MIB1: variants seen among roughly 807,000 people sequenced by gnomAD.
MIB1 encodes MIB E3 ubiquitin protein ligase 1, also known as E3 ubiquitin-protein ligase MIB1.
A neutral mutation model predicts 124.5 loss-of-function variants in MIB1; 278 were observed. The ratio of observed to expected loss-of-function variants is 2.23; its 90% CI spans 2.02 to 2.47. The LOEUF (loss-of-function observed/expected upper bound fraction) is 2.47, where lower values mean the gene tolerates loss of function less well. MIB1 is among the 30% of genes most tolerant of loss of function. MIB1 has a pLI of 0.00. For synonymous variants in MIB1, 446 were observed against 429.4 expected (o/e 1.04, Z -0.48); for missense variants, 957 against 1,254.4 (o/e 0.76, Z 3.58).
chr18:21,783,467 T>TCCTGACCTCAGGTGGTCCTCCCG (rs2041395638), intron 6 of MIB1, among the ~76,000 whole-genome samples: 1 of 152,102 alleles, frequency 6.6e-6, no homozygotes, highest in Non-Finnish European at 1.5e-5. Context: ...GGTCTCTAAC[T>TCCTGACCTCAGGTGGTCCTCCCG]CCTGACCTCA....
chr18:21,863,247 G>A (rs573151559), intron 20 of MIB1, among the ~76,000 whole-genome samples: 5 of 152,342 alleles, frequency 3.3e-5, no homozygotes, highest in South Asian at 2.1e-4. Context: ...CACGGACAGC[G>A]GTGTGTTATC....
rs1424264385 is a variant in MIB1, at chr18:21,765,813, C to T, written c.271C>T (p.Gln91Ter). ...AACCATGTGTGATACCTGCCGCCAG[C>T]AACCAATCATTGGCATTCGATGGAA... ...DGTMCDTCRQ[Q>*]PIIGIRWKCA... The change falls in exon 2 of 21, where the codon CAA (glutamine) becomes TAA (stop). Residue 91 changes from glutamine to a stop codon, truncating the protein, a stop_gained. Transcript: ENST00000261537. LOFTEE classifies it high-confidence loss of function. 1.2e-6 allele frequency: 2 copies of T among 1,614,128 alleles called. No individual in the cohort carries two copies. The highest frequency in any genetic ancestry group is 1.1e-5 in the South Asian group (1 of 91,082).
In MIB1 at chr18:21,859,631, G is replaced by A. The variant is rs149559047; in HGVS notation, c.2880+985G>A. The stretch of plus-strand genomic sequence containing the variant: ...GGGCCGGGCGTGGTGGCTCATGCCT[G>A]TAATCCCAGCACTTTGGGAGGCTGA... On this transcript the variant is annotated intron_variant, in intron 20 of 20. Transcript: ENST00000261537. Among the ~76,000 whole-genome samples the A allele has an allele frequency of 7.6e-4, 116 of 152,142 alleles. 1 individual carries two copies. The highest frequency in any genetic ancestry group is 1.8e-4 in the Non-Finnish European group (12 of 67,990).
At chr18:21,821,605 T>G (rs1224911711) in intron 12 of MIB1, among the ~76,000 whole-genome samples, 1 of 148,906 alleles carries the variant, frequency 6.7e-6, no homozygotes, top group Non-Finnish European at 1.5e-5. Flanking sequence ...TTTTTTTTGT[T>G]TTTTTTTTTT....
At chr18:21,730,807 A>T (rs532959219) in intron 1 of MIB1, among the ~76,000 whole-genome samples, 1 of 152,210 alleles carries the variant, frequency 6.6e-6, no homozygotes, top group African/African-American at 2.4e-5. Context: ...TGATCATGTC[A>T]CTCCCTCCTT....
Position 21,847,141 on chromosome 18 carries a change from T to C in MIB1, c.2393+16T>C. The C allele has an allele frequency of 6.2e-6, 10 of 1,606,422 alleles. No homozygotes were observed. The highest frequency in any genetic ancestry group is 8.5e-6 in the Non-Finnish European group (10 of 1,174,018). Reference sequence around the variant, plus strand: ...AAAAAGTCAGGTTTGTATTATTTATTATCATAAAACTTAATATTCTGTACA... The same window carrying C: ...AAAAAGTCAGGTTTGTATTATTTATCATCATAAAACTTAATATTCTGTACA... On this transcript the variant is annotated intron_variant, in intron 16 of 20. Transcript: ENST00000261537.
intron 1 of MIB1, among the ~76,000 whole-genome samples, chr18:21,751,009 C>T (rs780167666): frequency 1.3e-5 from 2 of 151,882 alleles, no homozygotes; most frequent in Non-Finnish European, 2.9e-5. Context: ...CCAGCCTGGA[C>T]AACATGGCAA....
intron 1 of MIB1, among the ~76,000 whole-genome samples, chr18:21,745,718 A>G (rs1158479818): frequency 3.3e-5 from 5 of 150,402 alleles, no homozygotes; most frequent in Middle Eastern, 3.2e-3. Flanking sequence ...ACAAAATTTT[A>G]TTTTTTTTGA....
chr18:21,816,829 C>T (rs1408531135), intron 11 of MIB1, among the ~76,000 whole-genome samples: 1 of 151,976 alleles, frequency 6.6e-6, no homozygotes, highest in Non-Finnish European at 1.5e-5. Flanking sequence ...TGTTTTGGAA[C>T]TGTTGGGATC....
At chr18:21,817,019 T>G (rs1247936124) in intron 11 of MIB1, among the ~76,000 whole-genome samples, 1 of 151,988 alleles carries the variant, frequency 6.6e-6, no homozygotes, top group Non-Finnish European at 1.5e-5. Context: ...TGATAAGGAC[T>G]TGGGGACCTG....
chr18:21,811,659 A>G (rs2041774802), intron 10 of MIB1, among the ~76,000 whole-genome samples: 1 of 152,198 alleles, frequency 6.6e-6, no homozygotes, highest in South Asian at 2.1e-4. Flanking sequence ...AGTCAAAATC[A>G]TGGGAACAAA....
intron 6 of MIB1, among the ~76,000 whole-genome samples, chr18:21,782,249 G>C (rs891071422): frequency 5.3e-5 from 8 of 151,956 alleles, no homozygotes; most frequent in African/African-American, 1.9e-4. Flanking sequence ...CAGCCTTCCC[G>C]AGTAGCTGGG....
At chr18:21,719,089 G>A (rs966938001) in intron 1 of MIB1, among the ~76,000 whole-genome samples, 8 of 151,958 alleles carry the variant, frequency 5.3e-5, no homozygotes, top group African/African-American at 1.7e-4. Context: ...TTGGGAGGCC[G>A]AGGCAGGAGA....
intron 3 of MIB1, among the ~76,000 whole-genome samples, chr18:21,769,626 G>A (rs2041203085): frequency 6.6e-6 from 1 of 152,152 alleles, no homozygotes; most frequent in Non-Finnish European, 1.5e-5. Context: ...GTCTCTTTTG[G>A]TAGGACACAC....
At chr18:21,839,035 C>G (rs1188187801) in intron 13 of MIB1, among the ~76,000 whole-genome samples, 1 of 152,018 alleles carries the variant, frequency 6.6e-6, no homozygotes, top group East Asian at 1.9e-4. Flanking sequence ...TTGGGAGGAG[C>G]CTATTTTGTA....
chr18:21,741,908 C>T lies in MIB1; in HGVS notation c.229+96C>T. 8 of 1,118,880 alleles carry T rather than the reference C, an allele frequency of 7.2e-6. No homozygotes were observed. The South Asian group carries it at 1.1e-4, about 16-fold the overall frequency. The allele number at this position is 1,118,880 out of a possible 1,614,324, so 69.3% of individuals were successfully genotyped here. A position where few individuals can be genotyped will look rare whatever the true frequency, so the allele number is the denominator to read the frequency against. On this transcript the variant is annotated intron_variant, in intron 1 of 20. Coordinates refer to ENST00000261537, the MANE Select transcript of MIB1 (RefSeq NM_020774.4). This position sits in a 1 kb window ranked among gnomAD's most constrained non-coding sequence, Gnocchi z 5.4. ...TCGCGGGGAGAGGTCTGCAGTGGGACACCTGGTGGGCAGCGCCCGGCTGGA... is the reference window on the plus strand; with the variant it reads ...TCGCGGGGAGAGGTCTGCAGTGGGATACCTGGTGGGCAGCGCCCGGCTGGA...
chr18:21,766,899 G>A (rs1435136637), intron 2 of MIB1, among the ~76,000 whole-genome samples: 1 of 152,038 alleles, frequency 6.6e-6, no homozygotes, highest in Non-Finnish European at 1.5e-5. Context: ...TAAATGAAAA[G>A]AATAGAACAA....
At chr18:21,746,048 A>T (rs191037014) in intron 1 of MIB1, among the ~76,000 whole-genome samples, 6 of 151,850 alleles carry the variant, frequency 4.0e-5, no homozygotes, top group East Asian at 3.9e-4. Context: ...TACTTAATTT[A>T]AAAAAAAGCC....
At chr18:21,760,195 T>C (rs143544443) in intron 1 of MIB1, among the ~76,000 whole-genome samples, 2 of 152,244 alleles carry the variant, frequency 1.3e-5, no homozygotes, top group East Asian at 3.9e-4. Flanking sequence ...TTTTATGAAA[T>C]AAAAATTTTA....
Sources: gnomAD v4.1 joint callset for allele counts (sites outside exome capture counted in the v4.1 genomes callset) on GRCh38, gnomAD v4.1.1 for gene constraint, Gnocchi (gnomAD v3.1) non-coding constraint, MANE v1.5 for transcripts, NCBI Gene and HGNC (gene_info 2026-07-23, HGNC 2026-07-21) for gene names.